Variants in ZBTB20 observed in about 807,000 individuals in gnomAD.
ZBTB20 encodes zinc finger and BTB domain containing 20.
A neutral mutation model predicts 56.9 loss-of-function variants in ZBTB20; 9 were observed. The observed-to-expected ratio is 0.16, with a 90% CI of 0.10 to 0.28. The LOEUF is 0.28. Ranked by LOEUF, ZBTB20 falls within the 10% of genes least tolerant of loss-of-function variation. ZBTB20 has a pLI of 1.00. For synonymous variants in ZBTB20, 417 were observed against 420.7 expected (o/e 0.99, Z 0.11); for missense variants, 655 against 1,003.0 (o/e 0.65, Z 4.69).
At chr3:114,759,114 C>T (rs997250231) in intron 5 of ZBTB20, 1 of 152,142 alleles carries the variant, frequency 6.6e-6, no homozygotes, top group African/African-American at 2.4e-5. Context: ...GACTGCGTCA[C>T]GAGCACAAAA....
Position 114,339,086 on chromosome 3 carries a change from G to C in ZBTB20, c.2145C>G (p.Tyr715Ter), listed in dbSNP as rs372379560. ...ACTTTGCTGGGCAGACGGAGCAGAC[G>C]TAAGTGGTCCCCTCCGTGCAGGCCA... is the stretch of plus-strand genomic sequence containing the variant. ...GVVACTEGTTYVCSVCPAKFD... is the reference protein window; with the variant it reads ...GVVACTEGTT The change falls in exon 12 of 12, where the codon TAC becomes TAG. Residue 715 changes from tyrosine (Y) to a stop codon, truncating the protein, a stop_gained. Coordinates refer to ENST00000675478, the MANE Select transcript of ZBTB20 (RefSeq NM_001348800.3). LOFTEE classifies it high-confidence loss of function. This position sits in a 1 kb window ranked among gnomAD's most constrained non-coding sequence, Gnocchi z 4.2. 1 of 1,586,160 alleles carries C rather than the reference G, an allele frequency of 6.3e-7. No homozygotes were observed. The highest frequency in any genetic ancestry group is 8.6e-7 in the Non-Finnish European group (1 of 1,164,304).
At chr3:114,877,983 T>C (rs2076259024) in intron 4 of ZBTB20, among the ~76,000 whole-genome samples, 1 of 152,136 alleles carries the variant, frequency 6.6e-6, no homozygotes, top group Non-Finnish European at 1.5e-5. Context: ...GTTTCAGATA[T>C]ACCAGGCTCC....
At chr3:114,624,212 T>A (rs2058509791) in intron 6 of ZBTB20, 1 of 152,022 alleles carries the variant, frequency 6.6e-6, no homozygotes, top group Non-Finnish European at 1.5e-5. Context: ...CCTGCTCTGA[T>A]TAGTTTGTCG....
At chr3:115,065,064 C>T (rs2082159077) in intron 2 of ZBTB20, among the ~76,000 whole-genome samples, 1 of 152,054 alleles carries the variant, frequency 6.6e-6, no homozygotes, top group Non-Finnish European at 1.5e-5. Context: ...TTCTGAACTT[C>T]CCATTAATCA....
intron 7 of ZBTB20, among the ~76,000 whole-genome samples, chr3:114,400,101 G>T (rs1044252486): frequency 1.3e-5 from 2 of 152,114 alleles, no homozygotes; most frequent in Admixed American, 1.3e-4. Context: ...TTGTCAACAA[G>T]CTTTGTAGCA....
chr3:115,091,348 T>C (rs1177071909), intron 1 of ZBTB20, among the ~76,000 whole-genome samples: 2 of 151,966 alleles, frequency 1.3e-5, no homozygotes, highest in Admixed American at 1.3e-4. Flanking sequence ...GCCCAATCCC[T>C]ACAAAAATCC....
At chr3:114,642,193 A>G (rs1330970995) in intron 6 of ZBTB20, among the ~76,000 whole-genome samples, 1 of 152,098 alleles carries the variant, frequency 6.6e-6, no homozygotes, top group East Asian at 1.9e-4. Flanking sequence ...AAGGATTCCC[A>G]ACATCCTTAA....
intron 4 of ZBTB20, among the ~76,000 whole-genome samples, chr3:114,866,176 T>C (rs2075754975): frequency 6.6e-6 from 1 of 152,224 alleles, no homozygotes; most frequent in Admixed American, 6.5e-5. Flanking sequence ...AGTACTAAGC[T>C]ATGTTCCAGT....
At chr3:114,836,581 G>T (rs1049670905) in intron 4 of ZBTB20, among the ~76,000 whole-genome samples, 3 of 152,062 alleles carry the variant, frequency 2.0e-5, no homozygotes, top group Non-Finnish European at 4.4e-5. Context: ...TCAGTGAAAG[G>T]TGCCACCATC....
intron 6 of ZBTB20, among the ~76,000 whole-genome samples, chr3:114,691,012 T>TA (rs1413889439): frequency 6.6e-6 from 1 of 152,006 alleles, no homozygotes; most frequent in East Asian, 1.9e-4. Context: ...TTGAGTCAAG[T>TA]AAAAAAAGTA....
intron 5 of ZBTB20, among the ~76,000 whole-genome samples, chr3:114,749,828 A>G (rs1882286): frequency 0.81 from 123,375 of 152,146 alleles, 51,476 homozygotes; most frequent in East Asian, 0.98. Flanking sequence ...AAATGAAGAT[A>G]ATGGTACCCA....
chr3:114,955,284 A>G (rs1304475299), intron 3 of ZBTB20, among the ~76,000 whole-genome samples: 1 of 152,240 alleles, frequency 6.6e-6, no homozygotes. Flanking sequence ...CACTCTAGCT[A>G]AAAGTCAGAT....
In ZBTB20 at chr3:114,583,319, C is replaced by T. The variant is rs183734592; in HGVS notation, c.-294-82928G>A. On this transcript the variant is annotated intron_variant, in intron 6 of 11. Transcript: ENST00000675478. Reference sequence around the variant, plus strand: ...AAGGAAACCCTCAAAAATTAAGTTTCGCATAAGTGAAAAATACAGTATTTA... The same window carrying T: ...AAGGAAACCCTCAAAAATTAAGTTTTGCATAAGTGAAAAATACAGTATTTA... Among the ~76,000 whole-genome samples, 28 of 152,184 alleles carry T rather than the reference C, an allele frequency of 1.8e-4. No homozygotes were observed. In the East Asian group the frequency reaches 1.9e-3, roughly 10 times the overall value.
At chr3:115,068,195 C>A (rs1005012687) in intron 2 of ZBTB20, among the ~76,000 whole-genome samples, 8 of 150,146 alleles carry the variant, frequency 5.3e-5, no homozygotes, top group African/African-American at 1.7e-4. Flanking sequence ...GAATACCTAA[C>A]CCATTATATA....
chr3:114,863,433 T>C (rs1005546569), intron 4 of ZBTB20, among the ~76,000 whole-genome samples: 3 of 152,022 alleles, frequency 2.0e-5, no homozygotes, highest in African/African-American at 7.2e-5. Flanking sequence ...ATAATGCCAC[T>C]ACAATAAAAA....
chr3:114,429,349 A>C (rs1417775950), intron 7 of ZBTB20, among the ~76,000 whole-genome samples: 1 of 152,116 alleles, frequency 6.6e-6, no homozygotes, highest in African/African-American at 2.4e-5. Context: ...GAAGGCATAA[A>C]CTCTGCATTA....
At chr3:114,971,093 C>T (rs2077863330) in intron 3 of ZBTB20, among the ~76,000 whole-genome samples, 1 of 151,790 alleles carries the variant, frequency 6.6e-6, no homozygotes, top group African/African-American at 2.4e-5. Flanking sequence ...TTATGAGTAT[C>T]AAAACTGGGA....
At chr3:114,401,186 C>T (rs1366066334) in intron 7 of ZBTB20, among the ~76,000 whole-genome samples, 1 of 142,896 alleles carries the variant, frequency 7.0e-6, no homozygotes, top group Non-Finnish European at 1.5e-5. Context: ...GGGGACAGCA[C>T]AATTGAATTT....
intron 5 of ZBTB20, among the ~76,000 whole-genome samples, chr3:114,796,361 T>C (rs931242973): frequency 1.3e-5 from 2 of 151,860 alleles, no homozygotes; most frequent in Admixed American, 6.6e-5. Flanking sequence ...TACAACCCGG[T>C]AGGTGACAAT....
Sources: allele counts gnomAD v4.1 joint callset (sites outside exome capture counted in the v4.1 genomes callset), GRCh38; gene constraint gnomAD v4.1.1; non-coding constraint Gnocchi (gnomAD v3.1); transcripts MANE v1.5; gene names NCBI Gene and HGNC (gene_info 2026-07-23, HGNC 2026-07-21).